Variants in ADAMTSL1 observed in about 807,000 individuals in gnomAD.
ADAMTSL1 encodes the protein ADAMTS like 1.
Under a neutral mutation model 201.8 loss-of-function variants are expected in ADAMTSL1, and 126 were observed. That is an observed-to-expected ratio of 0.62 (90% CI 0.54 to 0.72). The LOEUF (loss-of-function observed/expected upper bound fraction) is 0.72, where lower values mean the gene tolerates loss of function less well. Ranked by LOEUF, ADAMTSL1 falls within the 30% of genes least tolerant of loss-of-function variation. ADAMTSL1 has a pLI of 0.00. For synonymous variants in ADAMTSL1, 1,121 were observed against 903.4 expected, an observed-to-expected ratio of 1.24 and a Z score of -4.32; for missense variants, 2,679 against 2,277.8, an observed-to-expected ratio of 1.18 and a Z score of -3.59.
At chr9:18,145,667 T>C (rs1377446385) in intron 1 of ADAMTSL1, among the ~76,000 whole-genome samples, 3 of 152,148 alleles carry the variant, frequency 2.0e-5, no homozygotes, top group Non-Finnish European at 4.4e-5. Flanking sequence ...GACTATAATA[T>C]ATGAGAAAAC....
chr9:17,926,083 A>T (rs993190372), intron 1 of ADAMTSL1, among the ~76,000 whole-genome samples: 7 of 152,148 alleles, frequency 4.6e-5, no homozygotes, highest in Non-Finnish European at 7.3e-5. Flanking sequence ...CCACTGACTC[A>T]TGCGGTCTGT....
At chr9:18,079,225 C>T (rs1231643940) in intron 1 of ADAMTSL1, among the ~76,000 whole-genome samples, 6 of 152,150 alleles carry the variant, frequency 3.9e-5, no homozygotes, top group African/African-American at 1.2e-4. Context: ...CTCTCATCCT[C>T]GTAAAGAAGG....
At chr9:18,871,861 G>A (rs1190067127) in intron 23 of ADAMTSL1, among the ~76,000 whole-genome samples, 6 of 152,026 alleles carry the variant, frequency 3.9e-5, no homozygotes. Context: ...CCACCTTAAC[G>A]ATCCTTCTAA....
At chr9:18,580,607 G>C (rs1037692142) in intron 4 of ADAMTSL1, among the ~76,000 whole-genome samples, 11 of 152,086 alleles carry the variant, frequency 7.2e-5, no homozygotes, top group African/African-American at 2.7e-4. Context: ...TCTGAATCTT[G>C]TTTATGCATT....
chr9:17,954,369 A>G (rs1314195187), intron 1 of ADAMTSL1, among the ~76,000 whole-genome samples: 1 of 152,210 alleles, frequency 6.6e-6, no homozygotes, highest in Non-Finnish European at 1.5e-5. Context: ...AGCCATCTCA[A>G]TGGTAGAATG....
intron 2 of ADAMTSL1, among the ~76,000 whole-genome samples, chr9:18,193,171 C>T (rs1829039187): frequency 6.6e-6 from 1 of 152,110 alleles, no homozygotes; most frequent in African/African-American, 2.4e-5. Context: ...CCAGCAGATT[C>T]AAATAACTTT....
intron 2 of ADAMTSL1, among the ~76,000 whole-genome samples, chr9:18,435,997 C>A (rs1819715107): frequency 6.6e-6 from 1 of 152,096 alleles, no homozygotes; most frequent in African/African-American, 2.4e-5. Flanking sequence ...AATATTTGAC[C>A]TTTTACTTTA....
chr9:18,012,123 C>T (rs1264136905), intron 1 of ADAMTSL1, among the ~76,000 whole-genome samples: 1 of 152,030 alleles, frequency 6.6e-6, no homozygotes, highest in Admixed American at 6.6e-5. Context: ...GGGTTACATT[C>T]ATAAAAACTT....
At chr9:18,904,034 A>G (rs1484164908) in intron 26 of ADAMTSL1, among the ~76,000 whole-genome samples, 1 of 151,806 alleles carries the variant, frequency 6.6e-6, no homozygotes. Flanking sequence ...CACAGGCATG[A>G]TCATGGTGCA....
chr9:18,627,932 A>T (rs957727108), intron 5 of ADAMTSL1, among the ~76,000 whole-genome samples: 2 of 152,164 alleles, frequency 1.3e-5, no homozygotes, highest in Admixed American at 6.5e-5. Flanking sequence ...GCTCATTTTT[A>T]AAAAATGTGT....
chr9:18,769,355 G>T (rs1010723931), intron 16 of ADAMTSL1, among the ~76,000 whole-genome samples: 8 of 152,178 alleles, frequency 5.3e-5, no homozygotes, highest in Non-Finnish European at 1.5e-5. Flanking sequence ...GCAAGCTAAT[G>T]ACAAGAAACT....
At chr9:18,359,827 G>GCCC (rs1352201698) in intron 2 of ADAMTSL1, among the ~76,000 whole-genome samples, 548 of 39,268 alleles carry the variant, frequency 0.014, 17 homozygotes, top group East Asian at 0.068. Context: ...CTCCCCACCC[G>GCCC]CCCCCCCGCC....
chr9:18,180,976 A>C (rs933434502), intron 2 of ADAMTSL1, among the ~76,000 whole-genome samples: 39 of 152,272 alleles, frequency 2.6e-4, no homozygotes, highest in African/African-American at 9.4e-4. Context: ...CTCAGAAATA[A>C]CACCGCATAT....
In ADAMTSL1 at chr9:18,892,997, C is replaced by T. The variant is rs898495444; in HGVS notation, c.4851+401C>T. Among the ~76,000 whole-genome samples, 8 of 151,592 alleles carry T rather than the reference C, an allele frequency of 5.3e-5. 1 individual carries two copies. Among genetic ancestry groups the T allele is most frequent in the Non-Finnish European group, 1.5e-5 (1 of 67,972 alleles). ...CAAATGTTTTTGGCCATAGAGTTCACGTTCCATCTCGTAAGCCATTTGTGT... is the reference window on the plus strand; with the variant it reads ...CAAATGTTTTTGGCCATAGAGTTCATGTTCCATCTCGTAAGCCATTTGTGT... On this transcript the variant is annotated intron_variant, in intron 26 of 28. Transcript: ENST00000380548.
At chr9:18,344,556 G>A (rs1273696432) in intron 2 of ADAMTSL1, among the ~76,000 whole-genome samples, 1 of 152,008 alleles carries the variant, frequency 6.6e-6, no homozygotes, top group Non-Finnish European at 1.5e-5. Context: ...TCACAAATAG[G>A]CTCTTGTTGA....
intron 5 of ADAMTSL1, among the ~76,000 whole-genome samples, chr9:18,634,568 A>C (rs1374861950): frequency 1.3e-5 from 2 of 151,982 alleles, no homozygotes; most frequent in African/African-American, 4.8e-5. Context: ...GGCTGAGTGC[A>C]GTGGCTCACG....
intron 10 of ADAMTSL1, among the ~76,000 whole-genome samples, chr9:18,677,241 TAGTC>T (rs986702911): frequency 3.3e-5 from 5 of 151,970 alleles, no homozygotes; most frequent in African/African-American, 9.7e-5. Flanking sequence ...GCTATGTCAT[TAGTC>T]AGCTCACTCC....
intron 2 of ADAMTSL1, among the ~76,000 whole-genome samples, chr9:18,224,147 G>T (rs551417530): frequency 4.6e-5 from 7 of 152,162 alleles, no homozygotes; most frequent in Middle Eastern, 6.8e-3. Context: ...GCATGGTCTT[G>T]GTCCCTTTGT....
chr9:18,245,696 C>A (rs1439566593), intron 2 of ADAMTSL1, among the ~76,000 whole-genome samples: 1 of 151,466 alleles, frequency 6.6e-6, no homozygotes, highest in Non-Finnish European at 1.5e-5. Context: ...AGAACACAGT[C>A]CCTCCTTTTT....
Sources: gnomAD v4.1 joint callset for allele counts (sites outside exome capture counted in the v4.1 genomes callset) on GRCh38, gnomAD v4.1.1 for gene constraint, MANE v1.5 for transcripts, NCBI Gene and HGNC (gene_info 2026-07-23, HGNC 2026-07-21) for gene names.